SHLD1: variants seen among roughly 807,000 people sequenced by gnomAD.
The protein encoded by SHLD1 is shieldin complex subunit 1, also known as RINN1-REV7-interacting novel NHEJ regulator 3.
In SHLD1, 3 loss-of-function variants were observed where a neutral mutation model predicts 5.5. The observed-to-expected ratio is 0.54, with a 90% CI of 0.25 to 1.40. The LOEUF (loss-of-function observed/expected upper bound fraction) is 1.40. SHLD1 is among the 40% of genes most tolerant of loss of function. SHLD1 has a pLI of 0.15. For missense variants in SHLD1, 210 were observed against 244.4 expected (o/e 0.86, Z 0.94); for synonymous variants, 92 against 94.3 (o/e 0.98, Z 0.14).
At chr20:5,801,985 A>G (rs893701966) in intron 2 of SHLD1, among the ~76,000 whole-genome samples, 2 of 152,198 alleles carry the variant, frequency 1.3e-5, no homozygotes, top group Admixed American at 1.3e-4. Flanking sequence ...ATTGAATTGA[A>G]TGATGGTTCT....
intron 2 of SHLD1, among the ~76,000 whole-genome samples, chr20:5,818,112 C>G (rs944285477): frequency 1.3e-5 from 2 of 150,434 alleles, no homozygotes; most frequent in African/African-American, 2.5e-5. Context: ...TTTGAGACAG[C>G]CTTGCTCTGT....
chr20:5,857,580 G>A (rs767798159), intron 2 of SHLD1, among the ~76,000 whole-genome samples: 18 of 151,706 alleles, frequency 1.2e-4, no homozygotes, highest in Admixed American at 3.3e-4. Context: ...AGGCCGAGGC[G>A]GGCAGATTAC....
At position 5,814,035 on chromosome 20, in the gene SHLD1, C is replaced by T. The variant is rs371762323; in HGVS notation, c.178+40992C>T. On this transcript the variant is annotated intron_variant, in intron 2 of 2. Transcript: ENST00000303142. ...TGGCACAGTCTCAGCTCACTGCAAA[C>T]GCCGCCTCCCTGGTTCAAGCGATTC... Among the ~76,000 whole-genome samples the T allele has an allele frequency of 7.7e-4, 106 of 138,360 alleles. 1 individual carries two copies. In the South Asian group the frequency reaches 0.011, roughly 15 times the overall value. The allele number at this position is 138,360 out of a possible 152,430, so 90.8% of individuals were successfully genotyped here.
chr20:5,774,219 AAACAAACAAC>A (rs1181247005), intron 2 of SHLD1, among the ~76,000 whole-genome samples: 1 of 152,122 alleles, frequency 6.6e-6, no homozygotes, highest in East Asian at 1.9e-4. Context: ...AAAAAACAAA[AAACAAACAAC>A]AACAAAAAAC....
At chr20:5,753,999 T>G (rs1048760580) in intron 1 of SHLD1, among the ~76,000 whole-genome samples, 1 of 152,180 alleles carries the variant, frequency 6.6e-6, no homozygotes, top group Non-Finnish European at 1.5e-5. Context: ...CCTTGGGTAT[T>G]ACCGCAGACA....
At chr20:5,778,237 C>G (rs1985526851) in intron 2 of SHLD1, among the ~76,000 whole-genome samples, 1 of 150,588 alleles carries the variant, frequency 6.6e-6, no homozygotes. Context: ...CTGCGTCAGC[C>G]TCCCAAGTAG....
intron 2 of SHLD1, among the ~76,000 whole-genome samples, chr20:5,782,843 G>A (rs1013272843): frequency 2.0e-5 from 3 of 152,126 alleles, no homozygotes; most frequent in Non-Finnish European, 2.9e-5. Flanking sequence ...TGAATTATAA[G>A]CTCTTAGATA....
intron 2 of SHLD1, among the ~76,000 whole-genome samples, chr20:5,832,068 G>C (rs2087734822): frequency 6.6e-6 from 1 of 152,190 alleles, no homozygotes; most frequent in Non-Finnish European, 1.5e-5. Flanking sequence ...AGCCTCGCAG[G>C]TAGCTGGGAT....
chr20:5,823,417 C>G (rs1040714568), intron 2 of SHLD1, among the ~76,000 whole-genome samples: 6 of 151,490 alleles, frequency 4.0e-5, no homozygotes, highest in African/African-American at 1.2e-4. Flanking sequence ...GTCATAGTGC[C>G]TGGTCTAGCA....
chr20:5,767,147 C>CT (rs1256690438), intron 1 of SHLD1, among the ~76,000 whole-genome samples: 1 of 134,292 alleles, frequency 7.4e-6, no homozygotes, highest in Non-Finnish European at 1.6e-5. Context: ...CTTTTCTTTT[C>CT]TTTTTGAGAC....
chr20:5,837,949 A>G (rs2087809537), intron 2 of SHLD1, among the ~76,000 whole-genome samples: 1 of 152,248 alleles, frequency 6.6e-6, no homozygotes, highest in Non-Finnish European at 1.5e-5. Flanking sequence ...TTGTTCAAGG[A>G]TCAGCTGTAG....
chr20:5,828,627 T>C (rs1019027040), intron 2 of SHLD1, among the ~76,000 whole-genome samples: 8 of 152,230 alleles, frequency 5.3e-5, no homozygotes, highest in Non-Finnish European at 1.0e-4. Flanking sequence ...ATTGGGGGAA[T>C]TATTCTTTTT....
chr20:5,767,079 C>T (rs1984872740), intron 1 of SHLD1, among the ~76,000 whole-genome samples: 1 of 152,126 alleles, frequency 6.6e-6, no homozygotes, highest in Non-Finnish European at 1.5e-5. Context: ...ACTGTCTCTC[C>T]TTGTTGACTC....
rs1360356974 is a variant in SHLD1, at chr20:5,850,093, A to T, written c.179-12931A>T. Among the ~76,000 whole-genome samples, 7 of 146,356 alleles carry T rather than the reference A, an allele frequency of 4.8e-5. No homozygotes were observed. In the East Asian group the frequency reaches 1.4e-3, roughly 29 times the overall value. On this transcript the variant is annotated intron_variant, in intron 2 of 2. Transcript: ENST00000303142. The stretch of plus-strand genomic sequence containing the variant: ...CAGGAATTCAAGACCAGCCTGGGCA[A>T]CACAGCAAGACCCCGTCTCAATAAT...
intron 2 of SHLD1, among the ~76,000 whole-genome samples, chr20:5,829,728 G>A (rs2087706151): frequency 6.6e-6 from 1 of 152,190 alleles, no homozygotes; most frequent in Non-Finnish European, 1.5e-5. Flanking sequence ...TTACCAGTGA[G>A]TGGTTGGGTT....
intron 2 of SHLD1, among the ~76,000 whole-genome samples, chr20:5,818,480 T>C (rs1306142329): frequency 6.6e-6 from 1 of 152,236 alleles, no homozygotes; most frequent in Admixed American, 6.5e-5. Flanking sequence ...GTAACATTTT[T>C]CTGTAGTAAG....
intron 2 of SHLD1, among the ~76,000 whole-genome samples, chr20:5,856,236 C>T (rs967748488): frequency 5.3e-5 from 8 of 152,176 alleles, no homozygotes; most frequent in East Asian, 1.9e-4. Context: ...CAAGCATGTT[C>T]GATGGCAGAG....
At chr20:5,791,861 A>G (rs2087146352) in intron 2 of SHLD1, among the ~76,000 whole-genome samples, 2 of 152,044 alleles carry the variant, frequency 1.3e-5, no homozygotes, top group African/African-American at 4.8e-5. Flanking sequence ...TGCCAACAAC[A>G]CTTGTTATTT....
intron 2 of SHLD1, among the ~76,000 whole-genome samples, chr20:5,775,634 C>T (rs139870780): frequency 3.0e-4 from 45 of 152,270 alleles, no homozygotes; most frequent in African/African-American, 1.0e-3. Flanking sequence ...CTAAGACAAC[C>T]ATTTTACACG....
Sources: allele counts gnomAD v4.1 joint callset (sites outside exome capture counted in the v4.1 genomes callset), GRCh38; gene constraint gnomAD v4.1.1; transcripts MANE v1.5; gene names NCBI Gene and HGNC (gene_info 2026-07-23, HGNC 2026-07-21).